GPC6: variants seen among roughly 807,000 people sequenced by gnomAD.
GPC6 encodes the protein glypican 6, also known as glypican-6.
Under a neutral mutation model 55.2 loss-of-function variants are expected in GPC6, and 14 were observed. The observed-to-expected ratio is 0.25, with a 90% CI of 0.17 to 0.40. The LOEUF is 0.40. Among genes scored for constraint, GPC6 ranks in the 10% least tolerant of loss-of-function variants. The pLI, the probability that GPC6 is intolerant of heterozygous loss-of-function variation, is 1.00. For synonymous variants in GPC6, 278 were observed against 259.6 expected (o/e 1.07, Z -0.68); for missense variants, 641 against 708.5 (o/e 0.90, Z 1.08).
intron 1 of GPC6, chr13:93,395,412 T>C (rs548982503): frequency 1.0e-5 from 3 of 288,844 alleles, no homozygotes; most frequent in Non-Finnish European, 2.0e-5. Flanking sequence ...CCATCAAAAG[T>C]TACAGAAGCA....
intron 4 of GPC6, among the ~76,000 whole-genome samples, chr13:94,030,809 C>T (rs1395770478): frequency 6.6e-6 from 1 of 152,098 alleles, no homozygotes; most frequent in Non-Finnish European, 1.5e-5. Flanking sequence ...GGTATGCAAT[C>T]GACCGTCAAT....
intron 4 of GPC6, among the ~76,000 whole-genome samples, chr13:94,130,559 G>C (rs976121993): frequency 6.6e-6 from 1 of 152,094 alleles, no homozygotes; most frequent in Non-Finnish European, 1.5e-5. Context: ...AGGAGAATGG[G>C]ACCAAGGCTT....
intron 1 of GPC6, among the ~76,000 whole-genome samples, chr13:93,270,474 C>T (rs569918636): frequency 7.3e-4 from 111 of 151,994 alleles, no homozygotes; most frequent in Admixed American, 2.4e-3. Context: ...GCTTTTTACT[C>T]CACTTAACAG....
At chr13:93,860,025 C>T (rs1888760026) in intron 3 of GPC6, among the ~76,000 whole-genome samples, 1 of 151,702 alleles carries the variant, frequency 6.6e-6, no homozygotes, top group East Asian at 2.0e-4. Context: ...TACTTCCTCT[C>T]ACCTTATGGT....
intron 4 of GPC6, among the ~76,000 whole-genome samples, chr13:94,052,993 C>G (rs1005956650): frequency 2.8e-4 from 43 of 152,126 alleles, no homozygotes; most frequent in Non-Finnish European, 7.4e-5. Flanking sequence ...AGGCAGCTGT[C>G]ACATCACCTC....
At chr13:94,259,878 G>C (rs899609840) in intron 4 of GPC6, among the ~76,000 whole-genome samples, 1 of 152,080 alleles carries the variant, frequency 6.6e-6, no homozygotes, top group African/African-American at 2.4e-5. Flanking sequence ...TCTATTGTGT[G>C]TATACACACA....
chr13:94,154,907 AT>A (rs1467561783), intron 4 of GPC6, among the ~76,000 whole-genome samples: 1 of 152,146 alleles, frequency 6.6e-6, no homozygotes, highest in Admixed American at 6.6e-5. Flanking sequence ...TTCTGCAGAT[AT>A]TCAAAAAAGT....
chr13:93,414,554 T>G (rs190629689), intron 1 of GPC6, among the ~76,000 whole-genome samples: 336 of 152,146 alleles, frequency 2.2e-3, no homozygotes, highest in Non-Finnish European at 4.0e-3. Context: ...ACACTGTGGG[T>G]GTTGAGGAAA....
At chr13:93,366,254 T>C (rs1044016754) in intron 1 of GPC6, among the ~76,000 whole-genome samples, 2 of 152,128 alleles carry the variant, frequency 1.3e-5, no homozygotes, top group South Asian at 2.1e-4. Flanking sequence ...AATTGAGAAA[T>C]ATTTGAAAGC....
rs2139236939 is a variant in GPC6, at chr13:93,404,949, G to A, written c.161-140314G>A. Reference sequence around the variant, plus strand: ...AAATACTTGAAGATGAGAATAGCAAGGCAAAGATTAAACATGGGAATTTCT... The same window carrying A: ...AAATACTTGAAGATGAGAATAGCAAAGCAAAGATTAAACATGGGAATTTCT... On this transcript the variant is annotated intron_variant, in intron 1 of 8. Coordinates refer to ENST00000377047, the MANE Select transcript of GPC6 (RefSeq NM_005708.5). 2.0e-5 allele frequency among the ~76,000 whole-genome samples: 3 copies of A among 152,158 alleles called. 1 individual carries two copies. The South Asian group carries it at 6.2e-4, about 32-fold the overall frequency.
At chr13:93,806,827 AT>A (rs1886555803) in intron 2 of GPC6, among the ~76,000 whole-genome samples, 1 of 152,152 alleles carries the variant, frequency 6.6e-6, no homozygotes, top group Non-Finnish European at 1.5e-5. Context: ...CCTGACTCTA[AT>A]TGCTTCATAG....
chr13:94,128,722 G>A (rs1886907550), intron 4 of GPC6, among the ~76,000 whole-genome samples: 1 of 152,262 alleles, frequency 6.6e-6, no homozygotes, highest in East Asian at 1.9e-4. Flanking sequence ...GACCAGAAAT[G>A]AAGAGAACTG....
chr13:94,370,196 T>C (rs964958537), intron 6 of GPC6, among the ~76,000 whole-genome samples: 27 of 152,256 alleles, frequency 1.8e-4, no homozygotes, highest in African/African-American at 5.1e-4. Flanking sequence ...TTTTGATCCC[T>C]GGGTGAAACT....
intron 2 of GPC6, among the ~76,000 whole-genome samples, chr13:93,632,590 A>AATATATATATGTGTGTAT (rs71202591): frequency 2.0e-5 from 2 of 99,336 alleles, no homozygotes; most frequent in South Asian, 6.8e-4. Context: ...CCATGTCTCA[A>AATATATATATGTGTGTAT]ATATATGTAT....
chr13:93,876,451 C>T (rs183305158), intron 3 of GPC6, among the ~76,000 whole-genome samples: 4 of 152,182 alleles, frequency 2.6e-5, no homozygotes, highest in Admixed American at 6.5e-5. Flanking sequence ...TAAGCACACA[C>T]GTCACTGTTC....
At chr13:93,926,767 A>C (rs1238861994) in intron 3 of GPC6, among the ~76,000 whole-genome samples, 2 of 146,422 alleles carry the variant, frequency 1.4e-5, no homozygotes, top group African/African-American at 5.1e-5. Flanking sequence ...GTTCCTCCTC[A>C]TAAGAAAGTC....
intron 3 of GPC6, among the ~76,000 whole-genome samples, chr13:93,871,619 AAAACAGATTGGAAGTCAGG>A (rs553015068): frequency 0.012 from 1,790 of 152,120 alleles, 29 homozygotes; most frequent in Non-Finnish European, 0.015. Context: ...CTCATGTATC[AAAACAGATTGGAAGTCAGG>A]TGTTAAAGCA....
rs370402730 is a variant in GPC6, at chr13:94,280,745, C to T, written c.878-5604C>T. On this transcript the variant is annotated intron_variant, in intron 4 of 8. Coordinates refer to ENST00000377047, the MANE Select transcript of GPC6 (RefSeq NM_005708.5). ...AATATCTTGGTTAAGCTAAAATGTA[C>T]ATGCAGCAGATCGGTAAGAGTAGGT... Among the ~76,000 whole-genome samples the T allele has an allele frequency of 1.1e-4, 16 of 152,164 alleles. 1 individual carries two copies. In the East Asian group the frequency reaches 2.1e-3, roughly 20 times the overall value.
intron 2 of GPC6, among the ~76,000 whole-genome samples, chr13:93,787,069 A>G (rs973240169): frequency 2.0e-5 from 3 of 152,226 alleles, no homozygotes; most frequent in Non-Finnish European, 4.4e-5. Context: ...TATCTCATTT[A>G]CAAGGCCTTT....
Sources: gnomAD v4.1 joint callset for allele counts (sites outside exome capture counted in the v4.1 genomes callset) on GRCh38, gnomAD v4.1.1 for gene constraint, MANE v1.5 for transcripts, NCBI Gene and HGNC (gene_info 2026-07-23, HGNC 2026-07-21) for gene names.